ARHGEF38: variants seen among roughly 807,000 people sequenced by gnomAD.
ARHGEF38 encodes Rho guanine nucleotide exchange factor 38.
Under a neutral mutation model 79.9 loss-of-function variants are expected in ARHGEF38, and 79 were observed. That is an observed-to-expected ratio of 0.99 (90% CI 0.82 to 1.19). ARHGEF38 has a LOEUF of 1.19. Among genes scored for constraint, ARHGEF38 ranks in the 50% most tolerant of loss-of-function variants. ARHGEF38 has a pLI of 0.00. For synonymous variants in ARHGEF38, 366 were observed against 328.3 expected (o/e 1.11, Z -1.24); for missense variants, 962 against 907.2 (o/e 1.06, Z -0.78).
At chr4:105,596,367 C>T (rs1291323382) in intron 2 of ARHGEF38, among the ~76,000 whole-genome samples, 1 of 152,116 alleles carries the variant, frequency 6.6e-6, no homozygotes, top group Non-Finnish European at 1.5e-5. Flanking sequence ...GCTTGTGCCC[C>T]CCACCCCAAA....
At chr4:105,645,530 G>A (rs1302032983) in intron 6 of ARHGEF38, 143 bp downstream of exon 6, 1 of 734,116 alleles carries the variant, frequency 1.4e-6, no homozygotes, top group Non-Finnish European at 2.0e-6. Flanking sequence ...GGAGAGAAGA[G>A]TGTGGTTTTG....
At chr4:105,671,575 G>A (rs918421533) in intron 13 of ARHGEF38, among the ~76,000 whole-genome samples, 5 of 152,154 alleles carry the variant, frequency 3.3e-5, no homozygotes, top group African/African-American at 7.2e-5. Context: ...TTGGCTTTGA[G>A]AAATTGTGGG....
intron 1 of ARHGEF38, 62 bp from the exon 2 acceptor site, chr4:105,589,186 T>G (rs1727198837): frequency 7.1e-7 from 1 of 1,400,204 alleles, no homozygotes; most frequent in East Asian, 2.3e-5. Context: ...AGGCGTTGTT[T>G]GTAATGAAGG....
At chr4:105,661,755 C>A (rs1418247428) in intron 10 of ARHGEF38, among the ~76,000 whole-genome samples, 1 of 151,974 alleles carries the variant, frequency 6.6e-6, no homozygotes, top group African/African-American at 2.4e-5. Flanking sequence ...CATGACCATT[C>A]CCAGGCACCT....
intron 5 of ARHGEF38, 67 bp from the exon 6 acceptor site, chr4:105,645,121 C>A (rs1015443520): frequency 1.1e-5 from 12 of 1,130,562 alleles, no homozygotes; most frequent in African/African-American, 9.6e-5. Flanking sequence ...CATAAAAACA[C>A]ACAAAAATGA....
Position 105,667,546 on chromosome 4 carries a change from ACATCAGC to A in ARHGEF38, c.1993_1999del (p.Ile665SerfsTer47). On this transcript the variant is annotated frameshift_variant, in exon 13 of 14. Coordinates refer to ENST00000420470, the MANE Select transcript of ARHGEF38 (RefSeq NM_001242729.2). LOFTEE classifies it high-confidence loss of function. ...AGGTTCTGTGACGATGATTTTGAGA[ACATCAGC>A]CTCTTCGTGTCTTCACGGCCAGCTA... 6.5e-7 allele frequency: 1 copy of A among 1,536,664 alleles called. No homozygotes were observed. The highest frequency in any genetic ancestry group is 1.2e-5 in the South Asian group (1 of 84,064).
At chr4:105,591,844 G>A (rs1032851464) in intron 2 of ARHGEF38, among the ~76,000 whole-genome samples, 3 of 152,204 alleles carry the variant, frequency 2.0e-5, no homozygotes, top group Non-Finnish European at 4.4e-5. Context: ...TGATGTAAGA[G>A]TAGAAGTAAT....
Position 105,659,849 on chromosome 4 carries a change from T to TTGTGTGTGTG in ARHGEF38, c.1545+514_1545+523dup, listed in dbSNP as rs59465723. ...TTCCCCAAGAAAGAGAAGCCTGGTT[T>TTGTGTGTGTG]TGTGTGTGTGTGTGTGTGTGTGTGT... On this transcript the variant is annotated intron_variant, in intron 10 of 13. Coordinates refer to ENST00000420470, the MANE Select transcript of ARHGEF38 (RefSeq NM_001242729.2). Among the ~76,000 whole-genome samples the TTGTGTGTGTG allele has an allele frequency of 7.6e-3, 1,014 of 133,216 alleles. 18 individuals are homozygous for TTGTGTGTGTG. Among genetic ancestry groups the TTGTGTGTGTG allele is most frequent in the African/African-American group, 0.029 (954 of 33,434 alleles). 87.4% of individuals were successfully genotyped at this position (133,216 alleles called of 152,430 possible).
chr4:105,578,274 G>A (rs1726600996), intron 1 of ARHGEF38, among the ~76,000 whole-genome samples: 1 of 152,108 alleles, frequency 6.6e-6, no homozygotes, highest in Non-Finnish European at 1.5e-5. Context: ...TTATTCCACT[G>A]TGGTCTGAAA....
At chr4:105,574,320 G>T (rs891073483) in intron 1 of ARHGEF38, among the ~76,000 whole-genome samples, 1 of 152,104 alleles carries the variant, frequency 6.6e-6, no homozygotes, top group Non-Finnish European at 1.5e-5. Flanking sequence ...GGCCAAGGTG[G>T]GTGGATCCCG....
At chr4:105,602,375 T>A (rs1727861316) in intron 2 of ARHGEF38, among the ~76,000 whole-genome samples, 1 of 152,144 alleles carries the variant, frequency 6.6e-6, no homozygotes, top group Admixed American at 6.6e-5. Context: ...AACAGAGGAA[T>A]TTAAACTGTG....
chr4:105,649,952 A>G (rs1730030713), intron 7 of ARHGEF38, among the ~76,000 whole-genome samples: 1 of 152,228 alleles, frequency 6.6e-6, no homozygotes. Flanking sequence ...AACAAATTCA[A>G]TGTAATCATC....
rs1163338378 is a variant in ARHGEF38 at position 105,561,449 on chromosome 4, GGAATAGAATAGAATAGAATAGAATA to G, written c.196+8557_196+8581del. ...GGAATAGAATAGAATAGAATAGAAT[GGAATAGAATAGAATAGAATAGAATA>G]GAATAGAATAGAATAGAATAGAATA... On this transcript the variant is annotated intron_variant, in intron 1 of 13. Coordinates refer to ENST00000420470, the MANE Select transcript of ARHGEF38 (RefSeq NM_001242729.2). The G allele has an allele frequency of 5.5e-3, 249 of 45,502 alleles. 14 individuals are homozygous for G. Among genetic ancestry groups the G allele is most frequent in the African/African-American group, 8.9e-3 (93 of 10,392 alleles). The allele number at this position is 45,502 out of a possible 1,614,324, so 2.8% of individuals were successfully genotyped here. A position where few individuals can be genotyped will look rare whatever the true frequency, so the allele number is the denominator to read the frequency against.
intron 1 of ARHGEF38, among the ~76,000 whole-genome samples, chr4:105,576,682 C>T (rs1428310212): frequency 6.6e-6 from 1 of 152,134 alleles, no homozygotes; most frequent in Non-Finnish European, 1.5e-5. Flanking sequence ...TACCTGTTTG[C>T]TCTGGCTAGG....
intron 1 of ARHGEF38, among the ~76,000 whole-genome samples, chr4:105,566,758 T>C (rs61185953): frequency 0.1 from 15,081 of 151,080 alleles, 772 homozygotes; most frequent in Middle Eastern, 0.18. Flanking sequence ...CCATCTTTTT[T>C]TTTTTTTTTT....
At chr4:105,681,712 G>A (rs1198357396), downstream of ARHGEF38, among the ~76,000 whole-genome samples, 2 of 152,098 alleles carry the variant, frequency 1.3e-5, no homozygotes, top group African/African-American at 4.8e-5. Flanking sequence ...ATATCCTACT[G>A]TTCAAGGTCA....
chr4:105,567,526 T>C (rs979971026), intron 1 of ARHGEF38, among the ~76,000 whole-genome samples: 3 of 152,168 alleles, frequency 2.0e-5, no homozygotes, highest in Non-Finnish European at 2.9e-5. Context: ...TGAACACAAT[T>C]AAGTCTTGAA....
chr4:105,678,259 G>T lies in ARHGEF38; in HGVS notation c.*322G>T, dbSNP rs1048863517. 17 of 203,150 alleles carry T rather than the reference G, an allele frequency of 8.4e-5. No individual in the cohort carries two copies. The highest frequency in any genetic ancestry group is 3.2e-4 in the African/African-American group (14 of 43,282). 12.6% of individuals were successfully genotyped at this position (203,150 alleles called of 1,614,324 possible). A position where few individuals can be genotyped will look rare whatever the true frequency, so the allele number is the denominator to read the frequency against. ...TCATCAAGAAAGGTTGGATCCAAAG[G>T]TTTTTCAATTTACTTTTTTTTTTAC... On this transcript the variant is annotated 3_prime_UTR_variant, in exon 14 of 14. Coordinates refer to ENST00000420470, the MANE Select transcript of ARHGEF38 (RefSeq NM_001242729.2).
intron 7 of ARHGEF38, 150 bp downstream of exon 7, chr4:105,648,832 C>T: frequency 1.5e-6 from 1 of 654,042 alleles, no homozygotes; most frequent in Non-Finnish European, 2.4e-6. Context: ...CTCTCTCTCT[C>T]TCTCTCTCTC....
Sources: gnomAD v4.1 joint callset for allele counts (sites outside exome capture counted in the v4.1 genomes callset) on GRCh38, gnomAD v4.1.1 for gene constraint, MANE v1.5 for transcripts, NCBI Gene and HGNC (gene_info 2026-07-23, HGNC 2026-07-21) for gene names.